Variants in SPRR2A observed in about 807,000 individuals in gnomAD.
The protein encoded by SPRR2A is small proline rich protein 2A, also known as small proline-rich protein 2A.
A neutral mutation model predicts 1.2 loss-of-function variants in SPRR2A; 3 were observed. The observed-to-expected ratio is 2.56, with a 90% CI of 1.17 to 6.62. The LOEUF (loss-of-function observed/expected upper bound fraction) is 6.62. SPRR2A is among the 30% of genes most tolerant of loss of function. The probability of loss-of-function intolerance (pLI) is 0.02; values close to 1 mark genes in which losing one functional copy is unlikely to be tolerated. For synonymous variants in SPRR2A, 31 were observed against 33.1 expected (o/e 0.94, Z 0.21); for missense variants, 66 against 87.8 (o/e 0.75, Z 0.99).
At chr1:153,056,879 C>A (rs1654364777) in intron 1 of SPRR2A, 125 bp from the exon 2 acceptor site, 2 of 1,439,792 alleles carry the variant, frequency 1.4e-6, no homozygotes, top group East Asian at 5.0e-5. Flanking sequence ...TTCTTAATTA[C>A]CTTTTCAAGA....
chr1:153,057,479 C>T lies in SPRR2A; in HGVS notation c.-28G>A, dbSNP rs1396977919. 2 of 153,206 alleles carry T rather than the reference C, an allele frequency of 1.3e-5. No individual in the cohort carries two copies. The highest frequency in any genetic ancestry group is 2.9e-5 in the Non-Finnish European group (2 of 68,800). 9.5% of individuals were successfully genotyped at this position (153,206 alleles called of 1,614,324 possible). ...CAAGGAAGCCGACTCACCAGGTTCT[C>T]CAAGGCAGATCAGTGCTCAGGTACC... On this transcript the variant is annotated 5_prime_UTR_variant, in exon 1 of 2. Coordinates refer to ENST00000392653, the MANE Select transcript of SPRR2A (RefSeq NM_005988.3).
chr1:153,056,811 C>T, intron 1 of SPRR2A, 57 bp from the exon 2 acceptor site: 1 of 1,600,332 alleles, frequency 6.2e-7, no homozygotes, highest in Non-Finnish European at 8.5e-7. Context: ...AGAGAGAAGC[C>T]AAAGCTTGTG....
chr1:153,056,775 G>C lies in SPRR2A; in HGVS notation c.-19-21C>G, dbSNP rs1350718181. ...AGGATCTGAAAGAAATGATACAACA[G>C]TGTTCGTGGGAAGGGAATCCTCCAG... On this transcript the variant is annotated intron_variant, in intron 1 of 1. Transcript: ENST00000392653. 8.8e-6 allele frequency: 14 copies of C among 1,596,898 alleles called. No individual in the cohort carries two copies. The South Asian group carries it at 1.5e-4, about 18-fold the overall frequency.
At position 153,056,677 on chromosome 1, in the gene SPRR2A, G is replaced by A. The variant is rs62618747; in HGVS notation, c.59C>T (p.Thr20Met). The A allele has an allele frequency of 1.1e-5, 17 of 1,610,624 alleles. No homozygotes were observed. The highest frequency in any genetic ancestry group is 6.7e-5 in the African/African-American group (5 of 74,834). ...QPCQPPPVCPTPKCPEPCPPP... is the reference protein window; with the variant it reads ...QPCQPPPVCPMPKCPEPCPPP... ...TGGACATGGCTCTGGGCACTTTGGC[G>A]TGGGGCACACAGGAGGTGGCTGGCA... Residue 20 changes from threonine to methionine, a missense_variant, in exon 2 of 2, where the codon ACG (threonine) becomes ATG (methionine). Thr to Met is a moderately conservative substitution (Grantham distance 81). Transcript: ENST00000392653.
At position 153,056,510 on chromosome 1, in the gene SPRR2A, G is replaced by A. The variant is rs1654351895; in HGVS notation, c.*7C>T. 2 of 1,611,548 alleles carry A rather than the reference G, an allele frequency of 1.2e-6. No homozygotes were observed. Among genetic ancestry groups the A allele is most frequent in the Non-Finnish European group, 1.7e-6 (2 of 1,179,608 alleles). On this transcript the variant is annotated 3_prime_UTR_variant, in exon 2 of 2. Transcript: ENST00000392653. ...TCCTTTCTTGGTCCTGATGAATTCT[G>A]AAGCTGTTACTTGCTCTTCGGTGGA...
rs1654342262 is a variant in SPRR2A at position 153,056,285 on chromosome 1, G to A, written c.*232C>T. ...CTTTCTTCCGAAGCTCTGGGAGCTG[G>A]CACAGCCCAGGACTTCCTTTGCTCA... On this transcript the variant is annotated 3_prime_UTR_variant, in exon 2 of 2. Transcript: ENST00000392653. 14 of 700,504 alleles carry A rather than the reference G, an allele frequency of 2.0e-5. No homozygotes were observed. Among genetic ancestry groups the A allele is most frequent in the Non-Finnish European group, 2.9e-5 (13 of 444,874 alleles). 43.4% of individuals were successfully genotyped at this position (700,504 alleles called of 1,614,324 possible).
At position 153,056,269 on chromosome 1, in the gene SPRR2A, G is replaced by A. The variant is rs999718362; in HGVS notation, c.*248C>T. ...GGAGAGAGCTGCTGCTCTTTCTTCC[G>A]AAGCTCTGGGAGCTGGCACAGCCCA... On this transcript the variant is annotated 3_prime_UTR_variant, in exon 2 of 2. Transcript: ENST00000392653. The A allele has an allele frequency of 1.3e-5, 8 of 615,910 alleles. No individual in the cohort carries two copies. Among genetic ancestry groups the A allele is most frequent in the Non-Finnish European group, 1.9e-5 (7 of 373,386 alleles). 38.2% of individuals were successfully genotyped at this position (615,910 alleles called of 1,614,324 possible). A position where few individuals can be genotyped will look rare whatever the true frequency, so the allele number is the denominator to read the frequency against.
Position 153,056,724 on chromosome 1 carries a change from T to C in SPRR2A, c.12A>G (p.Gln4=). The C allele has an allele frequency of 6.2e-7, 1 of 1,608,920 alleles. No individual in the cohort carries two copies. Among genetic ancestry groups the C allele is most frequent in the Non-Finnish European group, 8.5e-7 (1 of 1,179,308 alleles). The part of the protein sequence containing the change: MSY[Q]QQQCKQPCQP... ...GGCAGGGCTGCTTGCACTGCTGCTG[T>C]TGATAAGACATCCTGCTGGAGTCTC... The change falls in exon 2 of 2, where the codon CAA becomes CAG. Residue 4 remains glutamine, a synonymous_variant. Transcript: ENST00000392653.
intron 1 of SPRR2A, among the ~76,000 whole-genome samples, chr1:153,057,023 C>G (rs1266668354): frequency 1.3e-5 from 2 of 152,026 alleles, no homozygotes; most frequent in African/African-American, 4.8e-5. Flanking sequence ...CTGAAAATAA[C>G]CAATTCAAGA....
In SPRR2A at chr1:153,056,543, A is replaced by C; in HGVS notation, c.193T>G (p.Ser65Ala). 2.5e-6 allele frequency: 4 copies of C among 1,612,194 alleles called. No individual in the cohort carries two copies. The highest frequency in any genetic ancestry group is 3.4e-6 in the Non-Finnish European group (4 of 1,179,818). The change falls in exon 2 of 2, where the codon TCA (serine) becomes GCA (alanine). Residue 65 changes from serine to alanine, a missense_variant. Physicochemically the swap from Ser to Ala is moderately conservative, Grantham distance 99 (BLOSUM62 1). Transcript: ENST00000392653. Reference protein sequence around the residue: ...PPVTPSPPCQSKYPPKSK With the variant: ...PPVTPSPPCQAKYPPKSK ...TACTTGCTCTTCGGTGGATACTTTG[A>C]CTGGCAGGGTGGGGAAGGTGTCACA...
At chr1:153,056,920 AT>A (rs1654365514) in intron 1 of SPRR2A, among the ~76,000 whole-genome samples, 166 bp from the exon 2 acceptor site, 1 of 152,202 alleles carries the variant, frequency 6.6e-6, no homozygotes, top group Non-Finnish European at 1.5e-5. Flanking sequence ...ACTTTAACAA[AT>A]TGCTTCATTG....
intron 1 of SPRR2A, among the ~76,000 whole-genome samples, chr1:153,057,153 T>A (rs1246108694): frequency 6.6e-6 from 1 of 152,190 alleles, no homozygotes; most frequent in Non-Finnish European, 1.5e-5. Context: ...TCAGGGAGAA[T>A]TGTAGTCTTT....
intron 1 of SPRR2A, 38 bp from the exon 2 acceptor site, chr1:153,056,792 A>C (rs762338927): frequency 4.4e-5 from 71 of 1,599,468 alleles, no homozygotes; most frequent in Non-Finnish European, 4.5e-5. Context: ...TGGGAAGGGA[A>C]TCCTCCAGAG....
At position 153,056,138 on chromosome 1, in the gene SPRR2A, ATT is replaced by A. The variant is rs1185233376; in HGVS notation, c.*377_*378del. 9 of 414,016 alleles carry A rather than the reference ATT, an allele frequency of 2.2e-5. No homozygotes were observed. The highest frequency in any genetic ancestry group is 3.4e-5 in the Non-Finnish European group (8 of 233,466). The allele number at this position is 414,016 out of a possible 1,614,324, so 25.6% of individuals were successfully genotyped here. On this transcript the variant is annotated 3_prime_UTR_variant, in exon 2 of 2. Coordinates refer to ENST00000392653, the MANE Select transcript of SPRR2A (RefSeq NM_005988.3). ...ACAAATATATATGCATAGATACTTT[ATT>A]CAGGGAGTGAAAGATAAGTGACAAT...
chr1:153,056,879 C>G, intron 1 of SPRR2A, 125 bp from the exon 2 acceptor site: 1 of 1,439,792 alleles, frequency 6.9e-7, no homozygotes, highest in Non-Finnish European at 9.2e-7. Flanking sequence ...TTCTTAATTA[C>G]CTTTTCAAGA....
intron 1 of SPRR2A, among the ~76,000 whole-genome samples, chr1:153,056,957 A>G (rs1418773870): frequency 2.6e-5 from 4 of 152,170 alleles, no homozygotes; most frequent in African/African-American, 4.8e-5. Flanking sequence ...GTGTTTTCTC[A>G]TACAATTTTT....
Position 153,056,452 on chromosome 1 carries a change from G to A in SPRR2A, c.*65C>T. On this transcript the variant is annotated 3_prime_UTR_variant, in exon 2 of 2. Transcript: ENST00000392653. ...AGGCTTTGATGAGAAGATGAAGGTG[G>A]AGCTGTGGAACGAGGTGAGCCAAAT... The A allele has an allele frequency of 1.3e-6, 2 of 1,574,218 alleles. No homozygotes were observed. Among genetic ancestry groups the A allele is most frequent in the Admixed American group, 1.7e-5 (1 of 57,750 alleles).
chr1:153,056,859 AT>A, intron 1 of SPRR2A, 105 bp from the exon 2 acceptor site: 1 of 1,495,346 alleles, frequency 6.7e-7, no homozygotes, highest in Non-Finnish European at 8.9e-7. Context: ...TCTCCAAGAA[AT>A]TATTTAAATT....
chr1:153,056,834 A>G, intron 1 of SPRR2A, 80 bp from the exon 2 acceptor site: 1 of 1,574,114 alleles, frequency 6.4e-7, no homozygotes, highest in South Asian at 1.1e-5. Flanking sequence ...ATACCATGGC[A>G]TATTATTTCT....
Sources: gnomAD v4.1 joint callset for allele counts (sites outside exome capture counted in the v4.1 genomes callset) on GRCh38, gnomAD v4.1.1 for gene constraint, MANE v1.5 for transcripts, NCBI Gene and HGNC (gene_info 2026-07-23, HGNC 2026-07-21) for gene names.